The following MIPEP variants were observed in gnomAD, a reference collection of about 807,000 sequenced individuals.
MIPEP encodes mitochondrial intermediate peptidase.
Under a neutral mutation model 90.3 loss-of-function variants are expected in MIPEP, and 79 were observed. The observed-to-expected ratio is 0.87, with a 90% CI of 0.73 to 1.05. The LOEUF is 1.05. Among genes scored for constraint, MIPEP ranks in the 50% least tolerant of loss-of-function variants. The pLI is 0.00. For missense variants in MIPEP, 940 were observed against 905.6 expected, an observed-to-expected ratio of 1.04 and a Z score of -0.49; for synonymous variants, 334 against 315.8, an observed-to-expected ratio of 1.06 and a Z score of -0.61.
At chr13:23,795,215 A>C (rs1952944618) in intron 16 of MIPEP, among the ~76,000 whole-genome samples, 1 of 152,058 alleles carries the variant, frequency 6.6e-6, no homozygotes, top group African/African-American at 2.4e-5. Context: ...CGAAGAAAAA[A>C]AAAAAGAATA....
At chr13:23,781,843 C>A (rs1952785873) in intron 16 of MIPEP, among the ~76,000 whole-genome samples, 1 of 152,036 alleles carries the variant, frequency 6.6e-6, no homozygotes, top group Non-Finnish European at 1.5e-5. Context: ...CAACAAAGAT[C>A]AAAAAAGACA....
chr13:23,786,194 G>A (rs1396362532), intron 16 of MIPEP, among the ~76,000 whole-genome samples: 1 of 151,074 alleles, frequency 6.6e-6, no homozygotes, highest in East Asian at 2.0e-4. Flanking sequence ...GCCCCTGCAT[G>A]CCAGCCTGGG....
rs2138514190 is a variant in MIPEP at position 23,758,656 on chromosome 13, G to A, written c.1970+1440C>T. ...AGAGCAGACCAAATGTCTACAGTCTGCAAAGGGCAGAAGACAAAATACATG... is the reference window on the plus strand; with the variant it reads ...AGAGCAGACCAAATGTCTACAGTCTACAAAGGGCAGAAGACAAAATACATG... On this transcript the variant is annotated intron_variant, in intron 17 of 18. Transcript: ENST00000382172. Among the ~76,000 whole-genome samples the A allele has an allele frequency of 1.3e-5, 2 of 152,288 alleles. 1 individual carries two copies. Among genetic ancestry groups the A allele is most frequent in the South Asian group, 4.1e-4 (2 of 4,828 alleles).
intron 16 of MIPEP, among the ~76,000 whole-genome samples, chr13:23,790,902 C>G (rs1390836133): frequency 2.6e-5 from 4 of 152,134 alleles, no homozygotes; most frequent in Non-Finnish European, 5.9e-5. Flanking sequence ...ATGTTCTTGG[C>G]CCTAACTCAG....
At chr13:23,787,542 T>G (rs531774910) in intron 16 of MIPEP, among the ~76,000 whole-genome samples, 129 of 152,236 alleles carry the variant, frequency 8.5e-4, no homozygotes, top group African/African-American at 3.0e-3. Flanking sequence ...CTCCCAAAGG[T>G]CCCACCTCCT....
chr13:23,767,241 G>T (rs1952600268), intron 16 of MIPEP, among the ~76,000 whole-genome samples: 2 of 152,164 alleles, frequency 1.3e-5, no homozygotes, highest in South Asian at 4.1e-4. Flanking sequence ...GTTGACTCCT[G>T]ATCCAAACCA....
chr13:23,818,476 G>A (rs949434605), intron 14 of MIPEP, among the ~76,000 whole-genome samples: 3 of 150,254 alleles, frequency 2.0e-5, no homozygotes, highest in African/African-American at 4.9e-5. Flanking sequence ...AAACTTAACA[G>A]AGTTAAACAG....
At chr13:23,759,777 A>C (rs1952520786) in intron 17 of MIPEP, among the ~76,000 whole-genome samples, 1 of 152,176 alleles carries the variant, frequency 6.6e-6, no homozygotes. Flanking sequence ...AAAGCCAAGA[A>C]AACCCACAGG....
intron 10 of MIPEP, among the ~76,000 whole-genome samples, chr13:23,843,837 G>A (rs1230848753): frequency 6.6e-6 from 1 of 152,200 alleles, no homozygotes; most frequent in East Asian, 1.9e-4. Context: ...TGGATTTGGA[G>A]GGTGATGAGA....
chr13:23,887,717 T>G (rs1871565582), intron 1 of MIPEP, among the ~76,000 whole-genome samples: 1 of 152,210 alleles, frequency 6.6e-6, no homozygotes, highest in African/African-American at 2.4e-5. Context: ...TTGTAGGTGC[T>G]TAACGCATAG....
At position 23,835,090 on chromosome 13, in the gene MIPEP, G is replaced by A. The variant is rs1199157670; in HGVS notation, c.1653+1150C>T. 3.4e-5 allele frequency among the ~76,000 whole-genome samples: 5 copies of A among 145,088 alleles called. No individual in the cohort carries two copies. In the South Asian group the frequency reaches 8.6e-4, roughly 25 times the overall value. ...GACTGGAGTGCAGTGGCGCAATGTC[G>A]GCTCACTGCAACCTCTGCCTCCCAG... On this transcript the variant is annotated intron_variant, in intron 14 of 18. Transcript: ENST00000382172.
chr13:23,755,629 T>C (rs917837056), intron 18 of MIPEP, among the ~76,000 whole-genome samples: 5 of 152,228 alleles, frequency 3.3e-5, no homozygotes, highest in Non-Finnish European at 7.3e-5. Flanking sequence ...GTAACATTCA[T>C]ATCTTCCTAT....
rs576297942 is a variant in MIPEP, at chr13:23,853,855, T to C, written c.1106+5005A>G. Among the ~76,000 whole-genome samples the C allele has an allele frequency of 8.6e-5, 13 of 151,642 alleles. No individual in the cohort carries two copies. The South Asian group carries it at 1.0e-3, about 12-fold the overall frequency. On this transcript the variant is annotated intron_variant, in intron 10 of 18. Coordinates refer to ENST00000382172, the MANE Select transcript of MIPEP (RefSeq NM_005932.4). ...TGCTGGGATTACAGGCATGAGCCAC[T>C]GTGCCCAGCCCACGATGCATTTCTC...
At chr13:23,744,097 A>T (rs553967447) in intron 18 of MIPEP, among the ~76,000 whole-genome samples, 1 of 152,364 alleles carries the variant, frequency 6.6e-6, no homozygotes, top group East Asian at 1.9e-4. Context: ...GCTTTCTGCC[A>T]ATGAACATCC....
intron 14 of MIPEP, among the ~76,000 whole-genome samples, chr13:23,830,318 A>G (rs1013822363): frequency 1.3e-5 from 2 of 152,242 alleles, no homozygotes; most frequent in African/African-American, 4.8e-5. Context: ...ACAGAAGATT[A>G]TAAGCAGTAA....
At chr13:23,839,585 T>C in intron 12 of MIPEP, 64 bp downstream of exon 12, 1 of 1,052,076 alleles carries the variant, frequency 9.5e-7, no homozygotes, top group Non-Finnish European at 1.4e-6. Context: ...GATACAAAGT[T>C]CACATCAATA....
At chr13:23,838,989 C>T (rs1666560002) in intron 12 of MIPEP, among the ~76,000 whole-genome samples, 1 of 152,232 alleles carries the variant, frequency 6.6e-6, no homozygotes, top group South Asian at 2.1e-4. Context: ...ACATAAGGTA[C>T]ATTATTTCTG....
At chr13:23,793,525 A>G (rs145520616) in intron 16 of MIPEP, among the ~76,000 whole-genome samples, 5 of 152,290 alleles carry the variant, frequency 3.3e-5, no homozygotes, top group Admixed American at 2.6e-4. Flanking sequence ...TATGTACATT[A>G]TATCTCAATA....
At chr13:23,834,513 C>A (rs1338083248) in intron 14 of MIPEP, among the ~76,000 whole-genome samples, 1 of 152,220 alleles carries the variant, frequency 6.6e-6, no homozygotes, top group Non-Finnish European at 1.5e-5. Context: ...CTGACTTATT[C>A]TTGGCTGTTT....
Sources: allele counts gnomAD v4.1 joint callset (sites outside exome capture counted in the v4.1 genomes callset), GRCh38; gene constraint gnomAD v4.1.1; transcripts MANE v1.5; gene names NCBI Gene and HGNC (gene_info 2026-07-23, HGNC 2026-07-21).